CDKAL1: variants seen among roughly 807,000 people sequenced by gnomAD.
CDKAL1 encodes CDKAL1 threonylcarbamoyladenosine tRNA methylthiotransferase.
Under a neutral mutation model 68.2 loss-of-function variants are expected in CDKAL1, and 32 were observed. That is an observed-to-expected ratio of 0.47 (90% confidence interval 0.35 to 0.63). The LOEUF (loss-of-function observed/expected upper bound fraction) is 0.63. Among genes scored for constraint, CDKAL1 ranks in the 30% least tolerant of loss-of-function variants. The pLI is 0.00. For synonymous variants in CDKAL1, 234 were observed against 244.3 expected, an observed-to-expected ratio of 0.96 and a Z score of 0.39; for missense variants, 606 against 696.7, an observed-to-expected ratio of 0.87 and a Z score of 1.47.
chr6:21,152,332 T>G (rs1023074963), intron 13 of CDKAL1, among the ~76,000 whole-genome samples: 1 of 152,192 alleles, frequency 6.6e-6, no homozygotes, highest in Non-Finnish European at 1.5e-5. Context: ...AGTCTCCAAT[T>G]TAACCTGCTG....
At chr6:21,050,462 G>A (rs886896421) in intron 11 of CDKAL1, among the ~76,000 whole-genome samples, 1 of 152,216 alleles carries the variant, frequency 6.6e-6, no homozygotes, top group Non-Finnish European at 1.5e-5. Context: ...GGAAGGCGGA[G>A]AGAAGTTTAT....
chr6:20,741,583 G>A (rs1435746440), intron 6 of CDKAL1, among the ~76,000 whole-genome samples: 1 of 152,042 alleles, frequency 6.6e-6, no homozygotes, highest in African/African-American at 2.4e-5. Flanking sequence ...TTCTGCTCCT[G>A]TGTTAGTTTG....
At chr6:21,137,781 G>C (rs992060364) in intron 13 of CDKAL1, among the ~76,000 whole-genome samples, 3 of 152,300 alleles carry the variant, frequency 2.0e-5, no homozygotes, top group African/African-American at 7.2e-5. Flanking sequence ...GAGGAGGTAG[G>C]AAGATGCTTG....
intron 9 of CDKAL1, among the ~76,000 whole-genome samples, chr6:20,922,641 C>T (rs926075905): frequency 6.6e-6 from 1 of 152,178 alleles, no homozygotes; most frequent in Non-Finnish European, 1.5e-5. Flanking sequence ...TCGAGTCAAA[C>T]GACTCGTGTG....
chr6:20,812,025 G>A (rs1776841382), intron 8 of CDKAL1, among the ~76,000 whole-genome samples: 1 of 151,996 alleles, frequency 6.6e-6, no homozygotes, highest in Non-Finnish European at 1.5e-5. Flanking sequence ...CCTCTGGCCT[G>A]GATCCATTAT....
chr6:21,183,580 G>A (rs1437521637), intron 13 of CDKAL1, among the ~76,000 whole-genome samples: 3 of 152,156 alleles, frequency 2.0e-5, no homozygotes, highest in Non-Finnish European at 4.4e-5. Context: ...AAGACGTCCA[G>A]TAGTAATGTT....
intron 4 of CDKAL1, among the ~76,000 whole-genome samples, chr6:20,612,949 T>G (rs147691573): frequency 1.2e-4 from 18 of 150,478 alleles, no homozygotes; most frequent in Admixed American, 3.3e-4. Context: ...TGCCGTCTGC[T>G]TCAGCTAAGT....
At chr6:20,538,292 A>G (rs13203336) in intron 2 of CDKAL1, among the ~76,000 whole-genome samples, 25,229 of 147,562 alleles carry the variant, frequency 0.17, 2,498 homozygotes, top group African/African-American at 0.28. Flanking sequence ...TTTTTCCTTT[A>G]CGCATTGTTT....
intron 5 of CDKAL1, among the ~76,000 whole-genome samples, chr6:20,694,860 C>T (rs866243684): frequency 6.6e-6 from 1 of 152,094 alleles, no homozygotes; most frequent in East Asian, 1.9e-4. Flanking sequence ...TGAGTGGGTT[C>T]TTGCTGTCTT....
intron 13 of CDKAL1, among the ~76,000 whole-genome samples, chr6:21,158,918 T>C (rs544744510): frequency 3.2e-4 from 48 of 152,188 alleles, no homozygotes; most frequent in African/African-American, 9.6e-5. Context: ...TTTTTAGTTT[T>C]ATATAATTGT....
At chr6:21,167,396 A>T (rs1582341147) in intron 13 of CDKAL1, among the ~76,000 whole-genome samples, 1 of 152,226 alleles carries the variant, frequency 6.6e-6, no homozygotes, top group Non-Finnish European at 1.5e-5. Flanking sequence ...GGACTGTTTT[A>T]TAAATATTAG....
intron 10 of CDKAL1, among the ~76,000 whole-genome samples, chr6:20,986,650 TA>T (rs5874797): frequency 0.87 from 129,356 of 149,094 alleles, 56,366 homozygotes; most frequent in Middle Eastern, 0.94. Context: ...GTATATTTAA[TA>T]AAAAAAAAAA....
intron 4 of CDKAL1, among the ~76,000 whole-genome samples, chr6:20,579,362 G>C (rs1765048917): frequency 6.6e-6 from 1 of 152,094 alleles, no homozygotes; most frequent in Non-Finnish European, 1.5e-5. Context: ...CTGAAAAAAA[G>C]CATATGTAAA....
At chr6:20,588,719 C>T (rs927130728) in intron 4 of CDKAL1, among the ~76,000 whole-genome samples, 4 of 152,098 alleles carry the variant, frequency 2.6e-5, no homozygotes, top group Admixed American at 6.6e-5. Context: ...TTATCATTTT[C>T]GAACTCTGTT....
intron 2 of CDKAL1, among the ~76,000 whole-genome samples, chr6:20,542,598 A>G (rs922278862): frequency 2.0e-5 from 3 of 151,796 alleles, no homozygotes; most frequent in African/African-American, 7.3e-5. Flanking sequence ...TTTCTTAACT[A>G]TTTTATTCTA....
At chr6:20,695,923 C>A (rs1771085558) in intron 5 of CDKAL1, among the ~76,000 whole-genome samples, 1 of 152,152 alleles carries the variant, frequency 6.6e-6, no homozygotes, top group African/African-American at 2.4e-5. Flanking sequence ...ACCCATGAAA[C>A]AGTAACTCCC....
intron 11 of CDKAL1, among the ~76,000 whole-genome samples, chr6:21,048,561 A>G (rs558325365): frequency 3.9e-5 from 6 of 152,162 alleles, no homozygotes; most frequent in African/African-American, 1.4e-4. Flanking sequence ...ATTTATGATG[A>G]TGCTATACCA....
At chr6:20,692,688 T>C (rs897522840) in intron 5 of CDKAL1, among the ~76,000 whole-genome samples, 1 of 152,072 alleles carries the variant, frequency 6.6e-6, no homozygotes, top group Non-Finnish European at 1.5e-5. Flanking sequence ...CTGGAAAATA[T>C]TATCTTTTGA....
chr6:20,766,107 G>A (rs1397250229), intron 7 of CDKAL1, among the ~76,000 whole-genome samples: 1 of 152,126 alleles, frequency 6.6e-6, no homozygotes, highest in Non-Finnish European at 1.5e-5. Context: ...CTTCAGAATG[G>A]CAGAATGGTC....
Sources: allele counts gnomAD v4.1 joint callset (sites outside exome capture counted in the v4.1 genomes callset), GRCh38; gene constraint gnomAD v4.1.1; transcripts MANE v1.5; gene names NCBI Gene and HGNC (gene_info 2026-07-23, HGNC 2026-07-21).